DPYD: variants seen among roughly 807,000 people sequenced by gnomAD.
DPYD encodes the protein dihydropyrimidine dehydrogenase [NADP(+)].
DPYD carries 109 observed loss-of-function variants against 116.2 expected under a neutral mutation model. The observed-to-expected ratio is 0.94, with a 90% CI of 0.80 to 1.10. DPYD has a LOEUF of 1.10. DPYD is among the 50% of genes least tolerant of loss of function. The probability of loss-of-function intolerance (pLI) is 0.00; values close to 1 mark genes in which losing one functional copy is unlikely to be tolerated. For missense variants in DPYD, 1,302 were observed against 1,254.5 expected (o/e 1.04, Z -0.57); for synonymous variants, 440 against 432.0 (o/e 1.02, Z -0.23).
intron 18 of DPYD, among the ~76,000 whole-genome samples, chr1:97,288,211 A>T (rs1452551161): frequency 1.3e-5 from 2 of 150,230 alleles, no homozygotes; most frequent in Middle Eastern, 3.2e-3. Context: ...CTACAAAGAG[A>T]CTTAGACTCC....
chr1:97,627,124 C>T (rs976513868), intron 8 of DPYD, among the ~76,000 whole-genome samples: 1 of 151,926 alleles, frequency 6.6e-6, no homozygotes, highest in Admixed American at 6.6e-5. Context: ...CTCAGGTCCT[C>T]ATCACTTCCC....
In DPYD at chr1:97,084,871, C is replaced by T. The variant is rs187075218; in HGVS notation, c.2767-2401G>A. Reference sequence around the variant, plus strand: ...ATCTGTGTATCTCATGTGGTGTATCCTGTTTCTGGAGATCATTGAAACACA... The same window carrying T: ...ATCTGTGTATCTCATGTGGTGTATCTTGTTTCTGGAGATCATTGAAACACA... On this transcript the variant is annotated intron_variant, in intron 21 of 22. Coordinates refer to ENST00000370192, the MANE Select transcript of DPYD (RefSeq NM_000110.4). Among the ~76,000 whole-genome samples the T allele has an allele frequency of 1.6e-4, 24 of 152,210 alleles. 1 individual carries two copies. Among genetic ancestry groups the T allele is most frequent in the Middle Eastern group, 3.4e-3 (1 of 294 alleles).
chr1:97,125,542 A>T (rs2101654712), intron 20 of DPYD, among the ~76,000 whole-genome samples: 1 of 152,198 alleles, frequency 6.6e-6, no homozygotes, highest in African/African-American at 2.4e-5. Context: ...AGTTTACTCA[A>T]CAGGCCAGAA....
At chr1:97,145,161 T>C (rs948593062) in intron 20 of DPYD, among the ~76,000 whole-genome samples, 5 of 152,222 alleles carry the variant, frequency 3.3e-5, no homozygotes, top group Non-Finnish European at 7.3e-5. Flanking sequence ...TGTCATTAAT[T>C]TAACAGGGAG....
chr1:97,623,421 A>G (rs893175446), intron 8 of DPYD, among the ~76,000 whole-genome samples: 1 of 152,044 alleles, frequency 6.6e-6, no homozygotes. Flanking sequence ...TTCACTGCAG[A>G]ATAACAGGAA....
At chr1:97,342,542 T>G (rs2101241594) in intron 16 of DPYD, among the ~76,000 whole-genome samples, 1 of 152,292 alleles carries the variant, frequency 6.6e-6, no homozygotes, top group Non-Finnish European at 1.5e-5. Context: ...TACAGCCAAT[T>G]ATAACTAGTA....
chr1:97,477,961 A>C (rs1409229312), intron 13 of DPYD, among the ~76,000 whole-genome samples: 1 of 152,194 alleles, frequency 6.6e-6, no homozygotes, highest in Non-Finnish European at 1.5e-5. Context: ...TTTTCAACTG[A>C]CTATGCTCAG....
intron 16 of DPYD, among the ~76,000 whole-genome samples, chr1:97,356,572 T>C (rs1458932658): frequency 6.6e-6 from 1 of 152,192 alleles, no homozygotes; most frequent in Non-Finnish European, 1.5e-5. Flanking sequence ...CTCCAGCAAT[T>C]AAAAAATTAA....
chr1:97,672,423 T>A (rs1405537554), intron 8 of DPYD, among the ~76,000 whole-genome samples: 1 of 152,118 alleles, frequency 6.6e-6, no homozygotes, highest in Non-Finnish European at 1.5e-5. Flanking sequence ...GAATTCTATT[T>A]CCCTCATTTC....
chr1:97,235,741 T>A (rs1661873496), intron 18 of DPYD, among the ~76,000 whole-genome samples: 1 of 152,182 alleles, frequency 6.6e-6, no homozygotes, highest in Non-Finnish European at 1.5e-5. Flanking sequence ...ACAAAGCAGA[T>A]GTTGCGAACA....
At chr1:97,510,734 C>T (rs1269832893) in intron 13 of DPYD, among the ~76,000 whole-genome samples, 3 of 151,932 alleles carry the variant, frequency 2.0e-5, no homozygotes, top group Non-Finnish European at 4.4e-5. Flanking sequence ...TTACCTACTT[C>T]ATGAACATAC....
intron 12 of DPYD, among the ~76,000 whole-genome samples, chr1:97,535,186 T>A (rs1035197635): frequency 2.0e-5 from 3 of 152,140 alleles, no homozygotes; most frequent in Non-Finnish European, 4.4e-5. Context: ...TTTGATCTGA[T>A]CCTTTACAGC....
intron 19 of DPYD, among the ~76,000 whole-genome samples, chr1:97,216,111 C>T (rs939514603): frequency 6.6e-6 from 1 of 152,068 alleles, no homozygotes; most frequent in African/African-American, 2.4e-5. Context: ...GGAATTTTCT[C>T]TAATTGTCTC....
In DPYD at chr1:97,699,410, A is replaced by C. The variant is rs769440759; in HGVS notation, c.621T>G (p.Ala207=). The C allele has an allele frequency of 1.2e-6, 2 of 1,613,706 alleles. No homozygotes were observed. The highest frequency in any genetic ancestry group is 2.2e-5 in the South Asian group (2 of 91,078). The change falls in exon 6 of 23, where the codon GCT becomes GCG. Residue 207 remains alanine (A), a synonymous_variant. Transcript: ENST00000370192. ...TAGTGATGTCAGAGTACCCCAATCG[A>C]GCCAAAAAGGAAGCACAACTTATAC... ...PASISCASFL[A]RLGYSDITIF... is the part of the protein sequence containing the mutation.
intron 13 of DPYD, among the ~76,000 whole-genome samples, chr1:97,452,672 C>T (rs1676482479): frequency 6.6e-6 from 1 of 152,056 alleles, no homozygotes; most frequent in Non-Finnish European, 1.5e-5. Flanking sequence ...TTGGTACTGT[C>T]CTCATGATAA....
At chr1:97,363,571 G>A (rs960346124) in intron 16 of DPYD, among the ~76,000 whole-genome samples, 1 of 152,182 alleles carries the variant, frequency 6.6e-6, no homozygotes, top group Non-Finnish European at 1.5e-5. Flanking sequence ...ATCAATGATA[G>A]GCTGGATTAA....
intron 1 of DPYD, among the ~76,000 whole-genome samples, chr1:97,919,238 T>C (rs1010617548): frequency 2.6e-5 from 4 of 152,182 alleles, no homozygotes; most frequent in African/African-American, 9.7e-5. Flanking sequence ...GAGCTGAAGG[T>C]GTTTGAACAC....
intron 7 of DPYD, among the ~76,000 whole-genome samples, chr1:97,679,582 C>T (rs1006398038): frequency 4.7e-4 from 71 of 152,116 alleles, no homozygotes; most frequent in African/African-American, 1.6e-3. Flanking sequence ...ATGATCACCA[C>T]ATGTGTATGA....
At chr1:97,439,420 T>C (rs1675634708) in intron 14 of DPYD, among the ~76,000 whole-genome samples, 1 of 152,334 alleles carries the variant, frequency 6.6e-6, no homozygotes, top group Non-Finnish European at 1.5e-5. Flanking sequence ...ATGTTATCTA[T>C]TGTCTCTTGA....
Sources: gnomAD v4.1 joint callset for allele counts (sites outside exome capture counted in the v4.1 genomes callset) on GRCh38, gnomAD v4.1.1 for gene constraint, MANE v1.5 for transcripts, NCBI Gene and HGNC (gene_info 2026-07-23, HGNC 2026-07-21) for gene names.